The following NDUFS4 variants were observed in gnomAD, a reference collection of about 807,000 sequenced individuals.
NDUFS4 encodes the protein NADH:ubiquinone oxidoreductase subunit S4.
In NDUFS4, 28 loss-of-function variants were observed where a neutral mutation model predicts 24.3. The observed-to-expected ratio is 1.15, with a 90% CI of 0.85 to 1.58. The LOEUF (loss-of-function observed/expected upper bound fraction) is 1.58, where lower values mean the gene tolerates loss of function less well. Among genes scored for constraint, NDUFS4 ranks in the 40% most tolerant of loss-of-function variants. NDUFS4 has a pLI of 0.00. For synonymous variants in NDUFS4, 93 were observed against 69.7 expected (o/e 1.34, Z -1.67); for missense variants, 223 against 207.9 (o/e 1.07, Z -0.45).
chr5:53,586,568 G>T (rs1035144380), intron 1 of NDUFS4, among the ~76,000 whole-genome samples: 19 of 152,088 alleles, frequency 1.2e-4, no homozygotes, highest in Admixed American at 1.1e-3. Flanking sequence ...TGTCGCCCAG[G>T]CTGGAGTGCA....
intron 2 of NDUFS4, among the ~76,000 whole-genome samples, chr5:53,611,198 A>T (rs904801083): frequency 1.8e-4 from 27 of 150,886 alleles, no homozygotes; most frequent in African/African-American, 5.3e-4. Context: ...ACAAAGAAAA[A>T]CTTGTGGTTT....
chr5:53,633,909 A>G (rs541725278), intron 2 of NDUFS4, among the ~76,000 whole-genome samples: 8 of 152,346 alleles, frequency 5.3e-5, no homozygotes, highest in Non-Finnish European at 7.3e-5. Context: ...TAAATTGTAG[A>G]TGGTGTATTT....
intron 3 of NDUFS4, among the ~76,000 whole-genome samples, chr5:53,657,512 ATCC>A (rs1318087480): frequency 6.6e-6 from 1 of 152,122 alleles, no homozygotes; most frequent in Non-Finnish European, 1.5e-5. Context: ...TACCTTTTGA[ATCC>A]TCCTTTCTAT....
chr5:53,568,040 T>G (rs995720243), intron 1 of NDUFS4, among the ~76,000 whole-genome samples: 1 of 152,158 alleles, frequency 6.6e-6, no homozygotes, highest in Non-Finnish European at 1.5e-5. Flanking sequence ...CTATTATAAA[T>G]TTTTTCTTTT....
intron 1 of NDUFS4, among the ~76,000 whole-genome samples, chr5:53,593,043 G>A (rs534251760): frequency 2.6e-4 from 40 of 152,128 alleles, no homozygotes; most frequent in African/African-American, 9.6e-4. Context: ...TTTGATGTTT[G>A]GGTAATGCTG....
At position 53,609,089 on chromosome 5, in the gene NDUFS4, C is replaced by T. The variant is rs140752996; in HGVS notation, c.177+5559C>T. On this transcript the variant is annotated intron_variant, in intron 2 of 4. Coordinates refer to ENST00000296684, the MANE Select transcript of NDUFS4 (RefSeq NM_002495.4). Reference sequence around the variant, plus strand: ...TTTTGGACTCAGTTTCTTTCAAACGCGTGCTAATGTTGCTATTTTCATCTC... The same window carrying T: ...TTTTGGACTCAGTTTCTTTCAAACGTGTGCTAATGTTGCTATTTTCATCTC... 5.9e-5 allele frequency among the ~76,000 whole-genome samples: 9 copies of T among 152,260 alleles called. No homozygotes were observed. In the East Asian group the frequency reaches 7.7e-4, roughly 13 times the overall value.
intron 3 of NDUFS4, among the ~76,000 whole-genome samples, chr5:53,657,293 T>C (rs1752192047): frequency 6.6e-6 from 1 of 152,142 alleles, no homozygotes. Flanking sequence ...TTATTAGTAC[T>C]AATATAGCCA....
At chr5:53,561,705 A>T (rs1025801733) in intron 1 of NDUFS4, among the ~76,000 whole-genome samples, 1 of 152,190 alleles carries the variant, frequency 6.6e-6, no homozygotes, top group Admixed American at 6.5e-5. Context: ...AGGAAGGTCT[A>T]GTAGAATGCT....
At chr5:53,566,638 A>C (rs146415214) in intron 1 of NDUFS4, among the ~76,000 whole-genome samples, 1 of 152,286 alleles carries the variant, frequency 6.6e-6, no homozygotes, top group African/African-American at 2.4e-5. Context: ...ACGGATGCTC[A>C]AGTCCTTGAT....
chr5:53,673,868 T>A (rs1285141221), intron 4 of NDUFS4, among the ~76,000 whole-genome samples: 1 of 152,162 alleles, frequency 6.6e-6, no homozygotes, highest in Admixed American at 6.5e-5. Flanking sequence ...CTATATGCAT[T>A]CCTTATACTC....
chr5:53,601,692 A>T (rs1041990026), intron 1 of NDUFS4, among the ~76,000 whole-genome samples: 4 of 152,184 alleles, frequency 2.6e-5, no homozygotes, highest in Admixed American at 1.3e-4. Flanking sequence ...TATGAATTTA[A>T]TATTTGCTCC....
chr5:53,672,536 C>CTA (rs1234811228), intron 4 of NDUFS4, among the ~76,000 whole-genome samples: 2 of 151,972 alleles, frequency 1.3e-5, no homozygotes, highest in African/African-American at 2.4e-5. Flanking sequence ...AGGAACTGAT[C>CTA]TAAAATCTGA....
chr5:53,576,410 TTTTTC>T (rs1213283388), intron 1 of NDUFS4, among the ~76,000 whole-genome samples: 1 of 152,222 alleles, frequency 6.6e-6, no homozygotes, highest in Non-Finnish European at 1.5e-5. Context: ...CACCAGGTTC[TTTTTC>T]TAGTTTGTCT....
At position 53,623,273 on chromosome 5, in the gene NDUFS4, A is replaced by G. The variant is rs1751108755; in HGVS notation, c.177+19743A>G. The stretch of plus-strand genomic sequence containing the variant: ...TTCCAGTTTCTCTGCATCCTCACCA[A>G]CATGTGTTATTTTCCATTTTCATTA... On this transcript the variant is annotated intron_variant, in intron 2 of 4. Transcript: ENST00000296684. Among the ~76,000 whole-genome samples, 2 of 151,776 alleles carry G rather than the reference A, an allele frequency of 1.3e-5. 1 individual carries two copies. Among genetic ancestry groups the G allele is most frequent in the South Asian group, 4.1e-4 (2 of 4,820 alleles).
intron 1 of NDUFS4, among the ~76,000 whole-genome samples, chr5:53,596,366 G>A (rs56069975): frequency 3.9e-5 from 6 of 152,144 alleles, no homozygotes; most frequent in Non-Finnish European, 5.9e-5. Flanking sequence ...CAAGGAGGTC[G>A]TGGTTGCAGT....
chr5:53,574,294 A>T (rs1252207020), intron 1 of NDUFS4, among the ~76,000 whole-genome samples: 3 of 152,176 alleles, frequency 2.0e-5, no homozygotes, highest in Admixed American at 1.3e-4. Flanking sequence ...TTCATCAAGA[A>T]TGGATGTGTC....
At chr5:53,619,342 C>T (rs943631151) in intron 2 of NDUFS4, among the ~76,000 whole-genome samples, 3 of 146,732 alleles carry the variant, frequency 2.0e-5, no homozygotes, top group Admixed American at 6.8e-5. Flanking sequence ...GGTGTGGTGG[C>T]GGGTGCTTGT....
At chr5:53,580,500 A>T (rs1371898378) in intron 1 of NDUFS4, among the ~76,000 whole-genome samples, 2 of 152,134 alleles carry the variant, frequency 1.3e-5, no homozygotes, top group African/African-American at 4.8e-5. Flanking sequence ...TTCATGAAAG[A>T]TGTGATTCTG....
chr5:53,574,450 C>CGT (rs1174756077), intron 1 of NDUFS4, among the ~76,000 whole-genome samples: 1 of 152,142 alleles, frequency 6.6e-6, no homozygotes, highest in Admixed American at 6.5e-5. Context: ...CGTATACTGG[C>CGT]ATATTTGGTT....
Sources: gnomAD v4.1 joint callset for allele counts (sites outside exome capture counted in the v4.1 genomes callset) on GRCh38, gnomAD v4.1.1 for gene constraint, MANE v1.5 for transcripts, NCBI Gene and HGNC (gene_info 2026-07-23, HGNC 2026-07-21) for gene names.